Variants in ANKDD1A observed in about 807,000 individuals in gnomAD.
ANKDD1A encodes ankyrin repeat and death domain-containing protein 1A.
In ANKDD1A, 59 loss-of-function variants were observed where a neutral mutation model predicts 63.5. The observed-to-expected ratio is 0.93, with a 90% CI of 0.75 to 1.15. The LOEUF (loss-of-function observed/expected upper bound fraction) is 1.15, where lower values mean the gene tolerates loss of function less well. Among genes scored for constraint, ANKDD1A ranks in the 50% most tolerant of loss-of-function variants. The probability of loss-of-function intolerance (pLI) is 0.00; values close to 1 mark genes in which losing one functional copy is unlikely to be tolerated. For missense variants in ANKDD1A, 632 were observed against 656.4 expected, an observed-to-expected ratio of 0.96 and a Z score of 0.41; for synonymous variants, 266 against 263.9, an observed-to-expected ratio of 1.01 and a Z score of -0.08.
intron 14 of ANKDD1A, among the ~76,000 whole-genome samples, chr15:64,953,001 GTTCT>G (rs1226664223): frequency 2.1e-5 from 3 of 140,958 alleles, no homozygotes; most frequent in African/African-American, 2.6e-5. Context: ...CTCCTTCTTA[GTTCT>G]TTCTTCTCCT....
chr15:64,952,704 T>A (rs1343421602), intron 14 of ANKDD1A, among the ~76,000 whole-genome samples: 3 of 143,700 alleles, frequency 2.1e-5, no homozygotes, highest in African/African-American at 8.1e-5. Flanking sequence ...TCTTCTTAGT[T>A]CTTCTCCTTT....
intron 9 of ANKDD1A, 61 bp downstream of exon 9, chr15:64,934,295 A>G (rs1595851620): frequency 6.7e-7 from 1 of 1,502,288 alleles, no homozygotes; most frequent in Non-Finnish European, 9.2e-7. Flanking sequence ...GAGCACACTG[A>G]TGAAGCACAG....
intron 9 of ANKDD1A, 109 bp downstream of exon 9, chr15:64,934,343 C>T (rs888342459): frequency 6.1e-5 from 61 of 999,360 alleles, no homozygotes; most frequent in East Asian, 3.0e-4. Context: ...GGTTGGGGTG[C>T]GGACCAGGAG....
rs574480102 is a variant in ANKDD1A, at chr15:64,949,102, C to T, written c.1352-739C>T. Among the ~76,000 whole-genome samples, 11 of 152,314 alleles carry T rather than the reference C, an allele frequency of 7.2e-5. No individual in the cohort carries two copies. The East Asian group carries it at 2.1e-3, about 29-fold the overall frequency. On this transcript the variant is annotated intron_variant, in intron 13 of 14. Coordinates refer to ENST00000319580, the MANE Select transcript of ANKDD1A (RefSeq NM_182703.6). ...AGAGGGGCACGGAAGGTCAGAGGGGCGAATGGAGTGACCTGGACCTGATGG... is the reference window on the plus strand; with the variant it reads ...AGAGGGGCACGGAAGGTCAGAGGGGTGAATGGAGTGACCTGGACCTGATGG...
rs1018891765 is a variant in ANKDD1A, at chr15:64,926,635, T to C, written c.472-266T>C. Among the ~76,000 whole-genome samples, 7 of 152,122 alleles carry C rather than the reference T, an allele frequency of 4.6e-5. No homozygotes were observed. In the South Asian group the frequency reaches 1.5e-3, roughly 32 times the overall value. ...GTCCCTCTGGCGATCTCAACCCCCA[T>C]CCTCAAGAATCTGTTTATTCATTAG... On this transcript the variant is annotated intron_variant, in intron 5 of 14. Transcript: ENST00000319580.
intron 14 of ANKDD1A, among the ~76,000 whole-genome samples, chr15:64,954,108 TTCC>T (rs1235034097): frequency 1.4e-5 from 2 of 141,190 alleles, no homozygotes; most frequent in African/African-American, 5.0e-5. Context: ...TCTTTTCTTC[TTCC>T]TTTCTTTTCT....
At chr15:64,952,948 TC>T (rs2085326266) in intron 14 of ANKDD1A, among the ~76,000 whole-genome samples, 1 of 26,260 alleles carries the variant, frequency 3.8e-5, no homozygotes, top group Non-Finnish European at 1.7e-4. Flanking sequence ...TCTTCTTCCT[TC>T]TCTTTCTTCC....
chr15:64,932,959 A>T (rs1233770253), intron 8 of ANKDD1A, among the ~76,000 whole-genome samples: 1 of 150,234 alleles, frequency 6.7e-6, no homozygotes, highest in African/African-American at 2.4e-5. Context: ...AAGAAAAAAA[A>T]AAAAAGACTG....
chr15:64,945,634 A>ATATAT (rs2085217602), intron 12 of ANKDD1A, among the ~76,000 whole-genome samples: 1 of 24,612 alleles, frequency 4.1e-5, no homozygotes, highest in Non-Finnish European at 7.1e-5. Flanking sequence ...ATATATATGA[A>ATATAT]CTTTTTTTTT....
At chr15:64,942,435 T>G in intron 9 of ANKDD1A, 32 bp from the exon 10 acceptor site, 1 of 1,551,298 alleles carries the variant, frequency 6.4e-7, no homozygotes, top group Non-Finnish European at 8.8e-7. Context: ...TGGGAGGGAC[T>G]GGTCGATTGA....
chr15:64,913,691 A>T (rs993037754), intron 1 of ANKDD1A, among the ~76,000 whole-genome samples: 1 of 152,126 alleles, frequency 6.6e-6, no homozygotes, highest in Non-Finnish European at 1.5e-5. Context: ...ACTGTGTGGA[A>T]TTTATCTAGA....
chr15:64,937,991 A>G (rs908391398), intron 9 of ANKDD1A, among the ~76,000 whole-genome samples: 21 of 152,298 alleles, frequency 1.4e-4, no homozygotes, highest in African/African-American at 9.6e-5. Flanking sequence ...GGTTGTGTCA[A>G]AAGGACACAG....
At chr15:64,951,657 A>G (rs1193451683) in intron 14 of ANKDD1A, among the ~76,000 whole-genome samples, 1 of 28,504 alleles carries the variant, frequency 3.5e-5, no homozygotes, top group Non-Finnish European at 9.3e-5. Context: ...CTTTCCTTCT[A>G]TCTTCTTTTT....
Position 64,957,367 on chromosome 15 carries a change from A to C in ANKDD1A, c.*179A>C, listed in dbSNP as rs1378698289. The C allele has an allele frequency of 4.9e-6, 1 of 202,208 alleles. No homozygotes were observed. The highest frequency in any genetic ancestry group is 1.0e-5 in the Non-Finnish European group (1 of 96,778). 12.5% of individuals were successfully genotyped at this position (202,208 alleles called of 1,614,324 possible). ...TGTTTTTATCTTATACACATGAATA[A>C]ATGCTATGGCTTATCACAGTTACAA... On this transcript the variant is annotated 3_prime_UTR_variant, in exon 15 of 15. Transcript: ENST00000319580.
chr15:64,914,588 C>T (rs2084955960), intron 1 of ANKDD1A, among the ~76,000 whole-genome samples: 1 of 152,256 alleles, frequency 6.6e-6, no homozygotes, highest in Non-Finnish European at 1.5e-5. Context: ...GCCACCATGC[C>T]TGGCTCAAAA....
chr15:64,943,582 G>A lies in ANKDD1A; in HGVS notation c.1065G>A (p.Lys355=). The A allele has an allele frequency of 6.2e-7, 1 of 1,614,052 alleles. No homozygotes were observed. The highest frequency in any genetic ancestry group is 2.2e-5 in the East Asian group (1 of 44,872). ...GGGTTGACTTAAACCTGAGAGATAA[G>A]GTACCTCTGCTTACAACCCACCTCG... ...IAGVDLNLRD[K]QGKTALAVAV... Residue 355 remains lysine (K), a splice_region_variant and synonymous_variant, in exon 11 of 15, where the codon AAG becomes AAA. Transcript: ENST00000319580.
chr15:64,945,634 A>C (rs1391634719), intron 12 of ANKDD1A, among the ~76,000 whole-genome samples: 18 of 24,624 alleles, frequency 7.3e-4, no homozygotes, highest in African/African-American at 2.6e-3. Context: ...ATATATATGA[A>C]CTTTTTTTTT....
Position 64,943,862 on chromosome 15 carries a change from C to G in ANKDD1A, c.1065+280C>G, listed in dbSNP as rs1171293644. The G allele has an allele frequency of 1.8e-5, 8 of 442,482 alleles. No homozygotes were observed. In the East Asian group the frequency reaches 2.9e-4, roughly 16 times the overall value. 27.4% of individuals were successfully genotyped at this position (442,482 alleles called of 1,614,324 possible). On this transcript the variant is annotated intron_variant, in intron 11 of 14. Coordinates refer to ENST00000319580, the MANE Select transcript of ANKDD1A (RefSeq NM_182703.6). ...TATGGCCCCCATCAGACTGTGACCTCCTGAGTCACCTGGTAGGGTTGGGAA... is the reference window on the plus strand; with the variant it reads ...TATGGCCCCCATCAGACTGTGACCTGCTGAGTCACCTGGTAGGGTTGGGAA...
chr15:64,956,506 C>T (rs147216359), intron 14 of ANKDD1A, among the ~76,000 whole-genome samples: 137,741 of 152,104 alleles, frequency 0.91, 63,523 homozygotes, highest in East Asian at 1. Flanking sequence ...TGAGCCGAGA[C>T]TGTGCCACTG....
Sources: allele counts gnomAD v4.1 joint callset (sites outside exome capture counted in the v4.1 genomes callset), GRCh38; gene constraint gnomAD v4.1.1; transcripts MANE v1.5; gene names NCBI Gene and HGNC (gene_info 2026-07-23, HGNC 2026-07-21).